SLC43A2: variants seen among roughly 807,000 people sequenced by gnomAD.
SLC43A2 encodes solute carrier family 43 member 2, also known as large neutral amino acids transporter small subunit 4.
SLC43A2 carries 38 observed loss-of-function variants against 63.2 expected under a neutral mutation model. That is an observed-to-expected ratio of 0.60 (90% CI 0.46 to 0.79). The LOEUF is 0.79. Among genes scored for constraint, SLC43A2 ranks in the 30% least tolerant of loss-of-function variants. The pLI, the probability that SLC43A2 is intolerant of heterozygous loss-of-function variation, is 0.00. For missense variants in SLC43A2, 644 were observed against 756.2 expected, an observed-to-expected ratio of 0.85 and a Z score of 1.74; for synonymous variants, 322 against 331.0, an observed-to-expected ratio of 0.97 and a Z score of 0.30.
intron 2 of SLC43A2, among the ~76,000 whole-genome samples, chr17:1,620,941 G>T (rs181072559): frequency 2.6e-5 from 4 of 152,066 alleles, no homozygotes; most frequent in Non-Finnish European, 5.9e-5. Context: ...GCTCACCCCC[G>T]GCCAGGCTGC....
At chr17:1,616,350 C>T in intron 3 of SLC43A2, 1 of 565,954 alleles carries the variant, frequency 1.8e-6, no homozygotes, top group South Asian at 2.4e-5. Flanking sequence ...GGCCTGGAGC[C>T]TGGAGCTTTT....
chr17:1,595,016 CT>C (rs1567626117), intron 5 of SLC43A2, among the ~76,000 whole-genome samples: 1 of 151,914 alleles, frequency 6.6e-6, no homozygotes. Flanking sequence ...GCCTCTGTAT[CT>C]TTTTAAAGTT....
In SLC43A2 at chr17:1,614,976, C is replaced by A. The variant is rs1907460868; in HGVS notation, c.424+3G>T. 6.2e-7 allele frequency: 1 copy of A among 1,613,740 alleles called. No homozygotes were observed. Among genetic ancestry groups the A allele is most frequent in the Non-Finnish European group, 8.5e-7 (1 of 1,179,912 alleles). On this transcript the variant is annotated splice_donor_region_variant and intron_variant, in intron 4 of 13. Transcript: ENST00000301335. ...ACAGAAGATGGAGGGAGAGGACACT[C>A]ACCGTTTGGTTTACTTGCTCCGTAC...
chr17:1,588,883 G>A lies in SLC43A2; in HGVS notation c.1078+1919C>T, dbSNP rs181100178. Among the ~76,000 whole-genome samples, 763 of 152,300 alleles carry A rather than the reference G, an allele frequency of 5.0e-3. 7 individuals are homozygous for A. The highest frequency in any genetic ancestry group is 8.5e-3 in the Non-Finnish European group (576 of 68,018). On this transcript the variant is annotated intron_variant, in intron 9 of 13. Coordinates refer to ENST00000301335, the MANE Select transcript of SLC43A2 (RefSeq NM_152346.3). ...GAACCAGCACCCGGGAGCCTCTGCC[G>A]CGGGTGGTCGCGGGGCCGTACGCGG...
rs374701953 is a variant in SLC43A2 at position 1,591,293 on chromosome 17, C to A, written c.907G>T (p.Val303Leu). ...CCTGCGGCATCCGGCTGGCACTTCA[C>A]CTCCAGGTCGACGGTGGACAGGCAC... ...KLCLSTVDLE[V>L]KCQPDAAVAP... Residue 303 changes from valine to leucine, a missense_variant, in exon 8 of 14, where the codon GTG (valine) becomes TTG (leucine). By Grantham distance (32) the Val-to-Leu change is conservative. This residue lies in a region of SLC43A2 where 528 missense variants were observed against 623.6 expected (regional missense o/e 0.85). Transcript: ENST00000301335. 1 of 1,605,872 alleles carries A rather than the reference C, an allele frequency of 6.2e-7. No individual in the cohort carries two copies. Among genetic ancestry groups the A allele is most frequent in the East Asian group, 2.2e-5 (1 of 44,880 alleles).
chr17:1,612,363 G>C (rs1907196501), intron 5 of SLC43A2, among the ~76,000 whole-genome samples: 1 of 152,178 alleles, frequency 6.6e-6, no homozygotes, highest in Non-Finnish European at 1.5e-5. Flanking sequence ...CAACAAGGGG[G>C]TGCTTAGTAC....
At chr17:1,623,408 G>A (rs908195482) in intron 2 of SLC43A2, among the ~76,000 whole-genome samples, 7 of 152,282 alleles carry the variant, frequency 4.6e-5, no homozygotes, top group South Asian at 2.1e-4. Context: ...GGCAGAGGCC[G>A]TGATGACTTC....
intron 10 of SLC43A2, chr17:1,585,134 G>A: frequency 1.0e-6 from 1 of 986,564 alleles, no homozygotes. Flanking sequence ...TGTAGCCACT[G>A]CCAAGGGGTG....
At chr17:1,601,066 G>T (rs373008941) in intron 5 of SLC43A2, among the ~76,000 whole-genome samples, 4 of 150,276 alleles carry the variant, frequency 2.7e-5, no homozygotes, top group Non-Finnish European at 4.4e-5. Context: ...CAGTTTGGTG[G>T]TGTTTGTTTG....
Position 1,627,699 on chromosome 17 carries a change from C to A in SLC43A2, c.160+16G>T. Reference sequence around the variant, plus strand: ...CAGCTCCAGGAGCCCCCCGCAACCCCAGGCGCTTGTCTCACCTGGCTCGGT... The same window carrying A: ...CAGCTCCAGGAGCCCCCCGCAACCCAAGGCGCTTGTCTCACCTGGCTCGGT... On this transcript the variant is annotated intron_variant, in intron 2 of 13. Transcript: ENST00000301335. 3 of 1,525,530 alleles carry A rather than the reference C, an allele frequency of 2.0e-6. No individual in the cohort carries two copies. The highest frequency in any genetic ancestry group is 5.2e-5 in the East Asian group (2 of 38,592). The allele number at this position is 1,525,530 out of a possible 1,614,324, so 94.5% of individuals were successfully genotyped here.
chr17:1,609,915 A>AT (rs915291871), intron 5 of SLC43A2, among the ~76,000 whole-genome samples: 48 of 147,506 alleles, frequency 3.3e-4, no homozygotes, highest in Middle Eastern at 3.5e-3. Context: ...GGCTGATAGA[A>AT]TTTTTTTTTT....
At chr17:1,591,842 T>C in intron 6 of SLC43A2, 143 bp from the exon 7 acceptor site, 1 of 667,850 alleles carries the variant, frequency 1.5e-6, no homozygotes, top group Non-Finnish European at 2.6e-6. Flanking sequence ...CCTGCCAGCC[T>C]GGGCGTTGGG....
chr17:1,620,098 C>A (rs977499544), intron 2 of SLC43A2, among the ~76,000 whole-genome samples: 40 of 152,204 alleles, frequency 2.6e-4, no homozygotes, highest in Non-Finnish European at 4.1e-4. Flanking sequence ...GGCACGGTGG[C>A]TCACGCCTGT....
chr17:1,622,500 G>C (rs1302216058), intron 2 of SLC43A2, among the ~76,000 whole-genome samples: 1 of 152,062 alleles, frequency 6.6e-6, no homozygotes, highest in Non-Finnish European at 1.5e-5. Context: ...GGGAGGCGGA[G>C]GTTGCGGTGA....
intron 3 of SLC43A2, among the ~76,000 whole-genome samples, chr17:1,615,247 T>C (rs560496903): frequency 2.0e-4 from 31 of 151,772 alleles, no homozygotes; most frequent in Admixed American, 5.9e-4. Context: ...AGCTGGGATA[T>C]TACAGGCGCC....
Position 1,578,302 on chromosome 17 carries a change from T to C in SLC43A2, c.1372A>G (p.Thr458Ala). ...PLQILSFILHTIVRGFIHSAV... is the reference protein window; with the variant it reads ...PLQILSFILHAIVRGFIHSAV... ...GAGTGGATGAATCCTCGCACGATTG[T>C]GTGCAGGATGAAGGAGAGGATCTGG... Residue 458 changes from threonine (T) to alanine (A), a missense_variant, in exon 12 of 14, where the codon ACA becomes GCA. Thr to Ala is a moderately conservative substitution (Grantham distance 58). Transcript: ENST00000301335. The surrounding 1 kb of genome is among the most constrained non-coding windows in gnomAD (Gnocchi z 6.5). 1.2e-6 allele frequency: 2 copies of C among 1,613,866 alleles called. No individual in the cohort carries two copies. The highest frequency in any genetic ancestry group is 1.7e-6 in the Non-Finnish European group (2 of 1,179,952).
chr17:1,602,327 G>C (rs1906132385), intron 5 of SLC43A2, among the ~76,000 whole-genome samples: 1 of 152,052 alleles, frequency 6.6e-6, no homozygotes, highest in East Asian at 1.9e-4. Context: ...TATTGATTTT[G>C]TGAAGGCTCT....
chr17:1,582,096 C>T (rs1264860327), intron 11 of SLC43A2, among the ~76,000 whole-genome samples: 2 of 143,880 alleles, frequency 1.4e-5, no homozygotes, highest in Non-Finnish European at 3.0e-5. Context: ...GTTTTTTTTT[C>T]TGAGACAGAG....
At chr17:1,608,276 C>T (rs542724086) in intron 5 of SLC43A2, among the ~76,000 whole-genome samples, 8 of 152,266 alleles carry the variant, frequency 5.3e-5, no homozygotes, top group East Asian at 1.9e-4. Flanking sequence ...GGTAGCCAAA[C>T]GCTTCAAATG....
Sources: gnomAD v4.1 joint callset for allele counts (sites outside exome capture counted in the v4.1 genomes callset) on GRCh38, gnomAD v4.1.1 for gene constraint, gnomAD v4.1.1 regional missense constraint, Gnocchi (gnomAD v3.1) non-coding constraint, MANE v1.5 for transcripts, NCBI Gene and HGNC (gene_info 2026-07-23, HGNC 2026-07-21) for gene names.